Variants in LINGO2 observed in about 807,000 individuals in gnomAD.
LINGO2 encodes the protein leucine-rich repeat and immunoglobulin-like domain-containing nogo receptor-interacting protein 2.
LINGO2 carries 14 observed loss-of-function variants against 30.6 expected under a neutral mutation model. The observed-to-expected ratio is 0.46, with a 90% CI of 0.30 to 0.72. The LOEUF is 0.72. Ranked by LOEUF, LINGO2 falls within the 30% of genes least tolerant of loss-of-function variation. The probability of loss-of-function intolerance (pLI) is 0.07; values close to 1 mark genes in which losing one functional copy is unlikely to be tolerated. For missense variants in LINGO2, 729 were observed against 751.7 expected, an observed-to-expected ratio of 0.97 and a Z score of 0.35; for synonymous variants, 317 against 288.5, an observed-to-expected ratio of 1.10 and a Z score of -1.00.
the LINGO2 span, among the ~76,000 whole-genome samples, chr9:28,790,221 C>T: frequency 6.6e-6 from 1 of 152,014 alleles, no homozygotes; most frequent in Non-Finnish European, 1.5e-5. Context: ...ATTTAGTAGT[C>T]CTCTCACCTG....
chr9:28,504,110 C>G (rs555365098), intron 1 of LINGO2, among the ~76,000 whole-genome samples: 2 of 151,900 alleles, frequency 1.3e-5, no homozygotes, highest in African/African-American at 4.8e-5. Flanking sequence ...AACAGTTAGA[C>G]CTCAAAACAC....
chr9:29,153,284 A>T, the LINGO2 span, among the ~76,000 whole-genome samples: 1 of 151,982 alleles, frequency 6.6e-6, no homozygotes, highest in Non-Finnish European at 1.5e-5. Flanking sequence ...TTGTTTGCTC[A>T]TTTAGCTAGG....
At chr9:28,396,960 A>C (rs577476333) in intron 2 of LINGO2, among the ~76,000 whole-genome samples, 174 of 152,180 alleles carry the variant, frequency 1.1e-3, no homozygotes, top group African/African-American at 4.0e-3. Context: ...CTATCCTTCA[A>C]GATGATTTTG....
chr9:28,332,129 T>A (rs13290187), intron 3 of LINGO2, among the ~76,000 whole-genome samples: 26,319 of 152,118 alleles, frequency 0.17, 2,998 homozygotes, highest in Non-Finnish European at 0.25. Flanking sequence ...AATTCTCTGA[T>A]TTTTTTAATA....
intron 1 of LINGO2, among the ~76,000 whole-genome samples, chr9:28,632,817 ATATAT>A (rs558133521): frequency 0.066 from 7,925 of 119,610 alleles, 444 homozygotes; most frequent in Admixed American, 0.17. Flanking sequence ...GATGATCTAT[ATATAT>A]TATATATTAT....
At chr9:28,375,494 C>A (rs1482316157) in intron 2 of LINGO2, among the ~76,000 whole-genome samples, 1 of 152,190 alleles carries the variant, frequency 6.6e-6, no homozygotes, top group Non-Finnish European at 1.5e-5. Context: ...TGCATAATAT[C>A]ATCCAGACCA....
At chr9:28,073,309 G>T (rs556780134) in intron 4 of LINGO2, among the ~76,000 whole-genome samples, 11 of 152,242 alleles carry the variant, frequency 7.2e-5, no homozygotes, top group South Asian at 6.2e-4. Context: ...AAATGAGGAT[G>T]AAAATAACTA....
the LINGO2 span, among the ~76,000 whole-genome samples, chr9:29,071,495 ATATATATATATATATATATATATG>A: frequency 4.4e-5 from 5 of 113,824 alleles, no homozygotes; most frequent in African/African-American, 7.4e-5. Flanking sequence ...ATATATATAT[ATATATATATATATATATATATATG>A]TATATGTATA....
At chr9:28,512,632 T>C (rs1587785788) in intron 1 of LINGO2, among the ~76,000 whole-genome samples, 4 of 5,956 alleles carry the variant, frequency 6.7e-4, no homozygotes, top group African/African-American at 1.3e-3. Flanking sequence ...TATATATATA[T>C]ATATACACAC....
chr9:28,511,468 C>A (rs1820381833), intron 1 of LINGO2, among the ~76,000 whole-genome samples: 1 of 152,126 alleles, frequency 6.6e-6, no homozygotes. Context: ...TCCATCCCTG[C>A]CACCATGGCC....
intron 3 of LINGO2, among the ~76,000 whole-genome samples, chr9:28,317,859 T>C (rs950098997): frequency 1.3e-5 from 2 of 152,160 alleles, no homozygotes; most frequent in African/African-American, 4.8e-5. Context: ...TGGGCCAACT[T>C]TTAGAGTCCC....
At chr9:28,053,220 C>T (rs1029369187) in intron 4 of LINGO2, among the ~76,000 whole-genome samples, 3 of 151,928 alleles carry the variant, frequency 2.0e-5, no homozygotes, top group Admixed American at 6.6e-5. Flanking sequence ...TATACTGAGT[C>T]CTGGAGAATG....
the LINGO2 span, among the ~76,000 whole-genome samples, chr9:28,979,843 C>T: frequency 6.6e-6 from 1 of 152,162 alleles, no homozygotes; most frequent in African/African-American, 2.4e-5. Flanking sequence ...TGATATTTGA[C>T]TGTCACATTT....
At chr9:28,899,709 C>A in the LINGO2 span, among the ~76,000 whole-genome samples, 5 of 152,200 alleles carry the variant, frequency 3.3e-5, no homozygotes, top group Admixed American at 6.5e-5. Flanking sequence ...CAGTCTGGCA[C>A]ACATAGCCCC....
At chr9:28,063,878 G>A (rs1825230652) in intron 4 of LINGO2, among the ~76,000 whole-genome samples, 1 of 151,972 alleles carries the variant, frequency 6.6e-6, no homozygotes, top group Admixed American at 6.6e-5. Flanking sequence ...AATCCTTTTT[G>A]GTTTCCTGCT....
chr9:28,375,403 T>G (rs1821090151), intron 2 of LINGO2, among the ~76,000 whole-genome samples: 1 of 150,556 alleles, frequency 6.6e-6, no homozygotes, highest in South Asian at 2.1e-4. Context: ...AAATTAGGGT[T>G]TGCCTTATAT....
the LINGO2 span, among the ~76,000 whole-genome samples, chr9:28,873,214 C>T: frequency 6.6e-6 from 1 of 151,326 alleles, no homozygotes; most frequent in East Asian, 2.0e-4. Flanking sequence ...ACTAAAAATA[C>T]AAAAAATTAG....
the LINGO2 span, among the ~76,000 whole-genome samples, chr9:29,014,137 C>G: frequency 1.3e-5 from 2 of 152,174 alleles, no homozygotes; most frequent in Non-Finnish European, 2.9e-5. Flanking sequence ...TTATAGAGGT[C>G]TATGTTTATT....
chr9:28,148,873 G>A lies in LINGO2; in HGVS notation c.-86-136468C>T, dbSNP rs1426061005. The A allele has an allele frequency of 2.4e-5, 37 of 1,533,648 alleles. No homozygotes were observed. In the Admixed American group the frequency reaches 7.3e-4, roughly 30 times the overall value. ...GCTCTCCAGGCTTGCTGATGGTGGG[G>A]GAGGACATGCAGCCCAAGGATCCTG... On this transcript the variant is annotated intron_variant, in intron 4 of 5. Coordinates refer to ENST00000379992, the Ensembl canonical transcript of LINGO2. The surrounding 1 kb of genome is among the most constrained non-coding windows in gnomAD (Gnocchi z 5.1).
Sources: allele counts gnomAD v4.1 joint callset (sites outside exome capture counted in the v4.1 genomes callset), GRCh38; gene constraint gnomAD v4.1.1; non-coding constraint Gnocchi (gnomAD v3.1); transcripts MANE v1.5; gene names NCBI Gene and HGNC (gene_info 2026-07-23, HGNC 2026-07-21).